Variants in SV2C observed in about 807,000 individuals in gnomAD.
The protein encoded by SV2C is solute carrier family 22 member B3.
A neutral mutation model predicts 79.7 loss-of-function variants in SV2C; 49 were observed. That is an observed-to-expected ratio of 0.61 (90% CI 0.49 to 0.78). The LOEUF (loss-of-function observed/expected upper bound fraction) is 0.78, where lower values mean the gene tolerates loss of function less well. Ranked by LOEUF, SV2C falls within the 30% of genes least tolerant of loss-of-function variation. The pLI is 0.00. For synonymous variants in SV2C, 334 were observed against 333.2 expected, an observed-to-expected ratio of 1.00 and a Z score of -0.03; for missense variants, 833 against 912.9, an observed-to-expected ratio of 0.91 and a Z score of 1.13.
At chr5:76,205,986 C>A (rs918041088) in intron 3 of SV2C, among the ~76,000 whole-genome samples, 1 of 152,168 alleles carries the variant, frequency 6.6e-6, no homozygotes, top group Non-Finnish European at 1.5e-5. Flanking sequence ...TTAAGACCTA[C>A]TGATACATGG....
the SV2C span, among the ~76,000 whole-genome samples, chr5:76,047,273 A>G: frequency 1.3e-5 from 2 of 152,180 alleles, no homozygotes; most frequent in South Asian, 2.1e-4. Flanking sequence ...CCCACCCTCA[A>G]GAGTAACCCA....
At chr5:75,999,668 A>G in the SV2C span, among the ~76,000 whole-genome samples, 1 of 141,498 alleles carries the variant, frequency 7.1e-6, no homozygotes, top group Non-Finnish European at 1.5e-5. Flanking sequence ...TTTTTTTTCT[A>G]CCCAGGCCTG....
At chr5:76,229,886 C>A (rs1248550739) in intron 4 of SV2C, among the ~76,000 whole-genome samples, 1 of 152,176 alleles carries the variant, frequency 6.6e-6, no homozygotes, top group Non-Finnish European at 1.5e-5. Flanking sequence ...TTCTGGAGAA[C>A]AATCAATGAT....
At chr5:76,122,620 A>T (rs1748553883) in intron 1 of SV2C, among the ~76,000 whole-genome samples, 11 of 152,014 alleles carry the variant, frequency 7.2e-5, no homozygotes. Flanking sequence ...CTCCTGACTG[A>T]CTACTGGGTA....
At chr5:76,260,404 C>T (rs904282930) in intron 4 of SV2C, among the ~76,000 whole-genome samples, 5 of 152,134 alleles carry the variant, frequency 3.3e-5, no homozygotes, top group Admixed American at 3.3e-4. Flanking sequence ...CCTGTTCACG[C>T]TGATGATAGT....
the SV2C span, among the ~76,000 whole-genome samples, chr5:75,994,961 G>C: frequency 2.6e-5 from 4 of 152,156 alleles, no homozygotes; most frequent in Non-Finnish European, 5.9e-5. Flanking sequence ...TGATAACTAG[G>C]AGACTAGTGG....
intron 2 of SV2C, among the ~76,000 whole-genome samples, chr5:76,166,542 G>A (rs3922566): frequency 0.25 from 33,944 of 133,878 alleles, 6,075 homozygotes; most frequent in East Asian, 0.55. Flanking sequence ...TTAAAATAAA[G>A]CTACCTTTGT....
the SV2C span, among the ~76,000 whole-genome samples, chr5:76,041,338 G>C: frequency 6.6e-6 from 1 of 152,126 alleles, no homozygotes; most frequent in Admixed American, 6.6e-5. Context: ...TAGCCCTGTT[G>C]CAAAGGGCCT....
chr5:76,259,636 C>A (rs1484742700), intron 4 of SV2C, among the ~76,000 whole-genome samples: 1 of 151,712 alleles, frequency 6.6e-6, no homozygotes, highest in African/African-American at 2.4e-5. Flanking sequence ...TGTGATGTTC[C>A]CCCTCCCTAT....
the SV2C span, among the ~76,000 whole-genome samples, chr5:76,045,754 C>T: frequency 1.3e-5 from 2 of 152,170 alleles, no homozygotes; most frequent in South Asian, 2.1e-4. Context: ...GTATAAATAG[C>T]GTGGTAATTT....
chr5:76,092,794 T>C (rs1580259623), intron 1 of SV2C, among the ~76,000 whole-genome samples: 1 of 152,180 alleles, frequency 6.6e-6, no homozygotes, highest in Non-Finnish European at 1.5e-5. Context: ...CACATATTTA[T>C]CTGTGGAAAA....
chr5:76,086,530 G>A (rs1241233033), intron 1 of SV2C, among the ~76,000 whole-genome samples: 3 of 152,188 alleles, frequency 2.0e-5, no homozygotes, highest in Non-Finnish European at 4.4e-5. Flanking sequence ...CCATGTTGGT[G>A]AGGTTCCTGT....
chr5:76,311,985 A>G (rs186552493), intron 12 of SV2C, among the ~76,000 whole-genome samples: 11 of 152,366 alleles, frequency 7.2e-5, no homozygotes, highest in Admixed American at 5.2e-4. Context: ...GAAGTCTTCA[A>G]AATGAAAGTA....
chr5:76,119,458 G>A (rs1748406677), intron 1 of SV2C, among the ~76,000 whole-genome samples: 1 of 152,132 alleles, frequency 6.6e-6, no homozygotes, highest in Non-Finnish European at 1.5e-5. Context: ...TTATGACCAG[G>A]ACATAAACAT....
intron 4 of SV2C, 48 bp from the exon 5 acceptor site, chr5:76,285,114 G>A (rs1747307809): frequency 6.2e-7 from 1 of 1,606,230 alleles, no homozygotes; most frequent in South Asian, 1.1e-5. Flanking sequence ...TTCCCAGGAG[G>A]CTGTCTGGGA....
chr5:76,290,031 G>A (rs527940825), intron 6 of SV2C, among the ~76,000 whole-genome samples: 5 of 152,162 alleles, frequency 3.3e-5, no homozygotes, highest in East Asian at 3.9e-4. Flanking sequence ...GTGAAAAAGC[G>A]GAAGCCTCCC....
At chr5:76,225,485 C>G (rs1258059718) in intron 4 of SV2C, among the ~76,000 whole-genome samples, 1 of 152,098 alleles carries the variant, frequency 6.6e-6, no homozygotes, top group Non-Finnish European at 1.5e-5. Flanking sequence ...CAGGAGATGG[C>G]AGTGGTCAGC....
At chr5:76,335,083 T>G (rs543226944), downstream of SV2C, among the ~76,000 whole-genome samples, 1 of 152,220 alleles carries the variant, frequency 6.6e-6, no homozygotes, top group South Asian at 2.1e-4. Context: ...TTTCAGATGC[T>G]TGATTGCCAC....
chr5:76,229,146 A>G (rs1579964482), intron 4 of SV2C, among the ~76,000 whole-genome samples: 1 of 152,084 alleles, frequency 6.6e-6, no homozygotes, highest in African/African-American at 2.4e-5. Flanking sequence ...GAAAGTGGAA[A>G]CCCCACCAAC....
Sources: gnomAD v4.1 joint callset for allele counts (sites outside exome capture counted in the v4.1 genomes callset) on GRCh38, gnomAD v4.1.1 for gene constraint, MANE v1.5 for transcripts, NCBI Gene and HGNC (gene_info 2026-07-23, HGNC 2026-07-21) for gene names.